FRMD4A: variants seen among roughly 807,000 people sequenced by gnomAD.
The protein encoded by FRMD4A is FERM domain-containing protein 4A.
In FRMD4A, 29 loss-of-function variants were observed where a neutral mutation model predicts 129.1. The observed-to-expected ratio is 0.22, with a 90% CI of 0.17 to 0.31. FRMD4A has a LOEUF of 0.31. Among genes scored for constraint, FRMD4A ranks in the 10% least tolerant of loss-of-function variants. The pLI is 1.00. For synonymous variants in FRMD4A, 634 were observed against 571.6 expected, an observed-to-expected ratio of 1.11 and a Z score of -1.56; for missense variants, 1,272 against 1,375.8, an observed-to-expected ratio of 0.92 and a Z score of 1.19.
intron 2 of FRMD4A, among the ~76,000 whole-genome samples, chr10:13,863,075 C>T (rs1398609889): frequency 1.3e-5 from 2 of 151,886 alleles, no homozygotes; most frequent in African/African-American, 4.8e-5. Context: ...CAATAATCAA[C>T]TGCCTTGCTA....
chr10:13,800,804 A>C (rs2093236279), intron 4 of FRMD4A, among the ~76,000 whole-genome samples: 1 of 152,266 alleles, frequency 6.6e-6, no homozygotes. Context: ...ACAAACAGAC[A>C]GATGGATTCC....
intron 2 of FRMD4A, among the ~76,000 whole-genome samples, chr10:14,260,765 AGG>A (rs1844773903): frequency 6.6e-6 from 1 of 152,224 alleles, no homozygotes; most frequent in African/African-American, 2.4e-5. Context: ...AATTTTGTTA[AGG>A]CAAACTATTT....
chr10:13,958,085 A>G (rs2095420747), intron 2 of FRMD4A, among the ~76,000 whole-genome samples: 1 of 152,000 alleles, frequency 6.6e-6, no homozygotes, highest in Non-Finnish European at 1.5e-5. Context: ...CCCATACGCT[A>G]CTGCAGTACA....
chr10:13,937,857 T>C (rs1216026692), intron 2 of FRMD4A, among the ~76,000 whole-genome samples: 3 of 152,236 alleles, frequency 2.0e-5, no homozygotes, highest in Non-Finnish European at 2.9e-5. Flanking sequence ...CCACTAATCC[T>C]TCAATTTCAT....
chr10:14,030,401 T>C (rs1260266128), intron 2 of FRMD4A, among the ~76,000 whole-genome samples: 1 of 152,244 alleles, frequency 6.6e-6, no homozygotes, highest in Non-Finnish European at 1.5e-5. Flanking sequence ...CTTAAATACA[T>C]ACAATTTTTG....
intron 8 of FRMD4A, among the ~76,000 whole-genome samples, chr10:13,757,783 A>T (rs1156470981): frequency 6.6e-6 from 1 of 152,088 alleles, no homozygotes; most frequent in Non-Finnish European, 1.5e-5. Context: ...TGCTCTTGTC[A>T]CCCAGGCTGG....
chr10:13,926,304 T>C (rs1205377940), intron 2 of FRMD4A, among the ~76,000 whole-genome samples: 5 of 152,170 alleles, frequency 3.3e-5, no homozygotes, highest in African/African-American at 9.7e-5. Flanking sequence ...GCCAGACTGG[T>C]CCAGATAGTT....
At chr10:14,238,340 C>T (rs746748112) in intron 2 of FRMD4A, among the ~76,000 whole-genome samples, 3 of 152,156 alleles carry the variant, frequency 2.0e-5, no homozygotes, top group Non-Finnish European at 2.9e-5. Context: ...TGAGTCCAGG[C>T]CTGAGTCTTA....
intron 6 of FRMD4A, among the ~76,000 whole-genome samples, chr10:13,781,441 G>A (rs187743841): frequency 0.012 from 1,382 of 114,926 alleles, 32 homozygotes; most frequent in African/African-American, 0.043. Context: ...GCAGTGGTAT[G>A]ATCTCGGCTC....
At chr10:13,657,753 G>T (rs925837054) in intron 21 of FRMD4A, among the ~76,000 whole-genome samples, 1 of 151,182 alleles carries the variant, frequency 6.6e-6, no homozygotes, top group Non-Finnish European at 1.5e-5. Context: ...AAGTGGGACT[G>T]AAGCTAGGAC....
At chr10:13,665,217 A>G (rs2082925743) in intron 18 of FRMD4A, among the ~76,000 whole-genome samples, 1 of 152,060 alleles carries the variant, frequency 6.6e-6, no homozygotes, top group African/African-American at 2.4e-5. Context: ...CATCAAGCAC[A>G]TTCCCATTGT....
chr10:14,087,632 C>T lies in FRMD4A; in HGVS notation c.46-228720G>A, dbSNP rs556494473. 3.3e-5 allele frequency: 5 copies of T among 152,148 alleles called. No homozygotes were observed. The East Asian group carries it at 7.7e-4, about 23-fold the overall frequency. 9.4% of individuals were successfully genotyped at this position (152,148 alleles called of 1,614,324 possible). A position where few individuals can be genotyped will look rare whatever the true frequency, so the allele number is the denominator to read the frequency against. On this transcript the variant is annotated intron_variant, in intron 2 of 24. Coordinates refer to ENST00000357447, the MANE Select transcript of FRMD4A (RefSeq NM_018027.5). ...GCTCCTGGTGGGATGAGAGTGGAAA[C>T]CCAGCCTTCTGAGTTGAAGAACTGG...
chr10:14,091,520 G>A (rs1289835847), intron 2 of FRMD4A, among the ~76,000 whole-genome samples: 2 of 151,976 alleles, frequency 1.3e-5, no homozygotes, highest in East Asian at 1.9e-4. Context: ...TGCAACCTCC[G>A]CCTCCCGGGT....
chr10:13,708,130 G>T lies in FRMD4A; in HGVS notation c.760-1017C>A, dbSNP rs1042082169. ...AAAGAAGGGGTAAAGTAGGAATCTT[G>T]TTCTTGTCTTTCTGCGGGGAACAGC... On this transcript the variant is annotated intron_variant, in intron 12 of 24. Coordinates refer to ENST00000357447, the MANE Select transcript of FRMD4A (RefSeq NM_018027.5). Among the ~76,000 whole-genome samples the T allele has an allele frequency of 3.9e-5, 6 of 152,350 alleles. No individual in the cohort carries two copies. The East Asian group carries it at 1.2e-3, about 29-fold the overall frequency.
intron 2 of FRMD4A, among the ~76,000 whole-genome samples, chr10:14,207,234 TA>T (rs1842808986): frequency 6.6e-6 from 1 of 152,288 alleles, no homozygotes; most frequent in Non-Finnish European, 1.5e-5. Context: ...GTTAAGTGTC[TA>T]TATCAGTGGT....
rs1458626189 is a variant in FRMD4A at position 13,796,612 on chromosome 10, G to A, written c.207-24C>T. 3.1e-6 allele frequency: 4 copies of A among 1,295,522 alleles called. No individual in the cohort carries two copies. In the African/African-American group the frequency reaches 4.3e-5, roughly 14 times the overall value. The allele number at this position is 1,295,522 out of a possible 1,614,324, so 80.3% of individuals were successfully genotyped here. ...CCCTGAAGAAAATAGAGACAAATTG[G>A]TTAGGGGTTTGCATTTTGCAGAAGT... On this transcript the variant is annotated intron_variant, in intron 4 of 24. Transcript: ENST00000357447.
intron 2 of FRMD4A, among the ~76,000 whole-genome samples, chr10:14,226,690 G>A (rs1487527383): frequency 6.6e-6 from 1 of 152,078 alleles, no homozygotes; most frequent in Non-Finnish European, 1.5e-5. Flanking sequence ...TAAATGTGAG[G>A]AGAACACAGT....
intron 2 of FRMD4A, among the ~76,000 whole-genome samples, chr10:14,273,258 G>GA (rs1205970889): frequency 7.3e-5 from 11 of 151,574 alleles, no homozygotes; most frequent in East Asian, 1.9e-4. Context: ...ACCCGCCTCA[G>GA]AAAAAAAATA....
At chr10:13,718,950 C>T (rs1315535042) in intron 12 of FRMD4A, among the ~76,000 whole-genome samples, 1 of 152,214 alleles carries the variant, frequency 6.6e-6, no homozygotes, top group Non-Finnish European at 1.5e-5. Context: ...GCATATTAGA[C>T]ACTCAATAGT....
Sources: gnomAD v4.1 joint callset for allele counts (sites outside exome capture counted in the v4.1 genomes callset) on GRCh38, gnomAD v4.1.1 for gene constraint, MANE v1.5 for transcripts, NCBI Gene and HGNC (gene_info 2026-07-23, HGNC 2026-07-21) for gene names.